FLNB: variants seen among roughly 807,000 people sequenced by gnomAD.
FLNB encodes the protein filamin-B.
Under a neutral mutation model 250.6 loss-of-function variants are expected in FLNB, and 111 were observed. The observed-to-expected ratio is 0.44, with a 90% CI of 0.38 to 0.52. The LOEUF (loss-of-function observed/expected upper bound fraction) is 0.52. Among genes scored for constraint, FLNB ranks in the 20% least tolerant of loss-of-function variants. The pLI is 0.00. For missense variants in FLNB, 2,869 were observed against 3,447.8 expected, an observed-to-expected ratio of 0.83 and a Z score of 4.20; for synonymous variants, 1,302 against 1,372.1, an observed-to-expected ratio of 0.95 and a Z score of 1.13.
At chr3:58,143,924 T>C (rs901614120) in intron 32 of FLNB, among the ~76,000 whole-genome samples, 2 of 152,096 alleles carry the variant, frequency 1.3e-5, no homozygotes, top group African/African-American at 4.8e-5. Flanking sequence ...TGAGGGACTT[T>C]CCAGCCTGGC....
intron 1 of FLNB, among the ~76,000 whole-genome samples, chr3:58,045,428 C>A (rs2097152335): frequency 6.6e-6 from 1 of 152,184 alleles, no homozygotes; most frequent in South Asian, 2.1e-4. Flanking sequence ...CGCCCCAACA[C>A]AAATTCGTAA....
At position 58,139,300 on chromosome 3, in the gene FLNB, G is replaced by T. The variant is rs1404951501; in HGVS notation, c.5109+771G>T. 2.0e-5 allele frequency among the ~76,000 whole-genome samples: 3 copies of T among 152,164 alleles called. 1 individual carries two copies. The highest frequency in any genetic ancestry group is 6.3e-3 in the Middle Eastern group (2 of 316). ...GCTTTTTTACAAATGAAGCATGCTT[G>T]GTCTAGACAGACACCAAATACCATG... On this transcript the variant is annotated intron_variant, in intron 29 of 45. Coordinates refer to ENST00000295956, the MANE Select transcript of FLNB (RefSeq NM_001457.4).
intron 25 of FLNB, chr3:58,132,024 G>A (rs772101039): frequency 4.3e-5 from 65 of 1,525,808 alleles, no homozygotes; most frequent in Non-Finnish European, 5.2e-5. Context: ...AGACAGGTTT[G>A]CATTTTCCCA....
At chr3:58,028,320 T>C (rs1046666703) in intron 1 of FLNB, among the ~76,000 whole-genome samples, 3 of 152,178 alleles carry the variant, frequency 2.0e-5, no homozygotes, top group Admixed American at 6.5e-5. Flanking sequence ...AGGGGTTTAA[T>C]AGGAAAATCA....
At chr3:58,091,777 G>A (rs186484543) in intron 4 of FLNB, among the ~76,000 whole-genome samples, 2 of 152,158 alleles carry the variant, frequency 1.3e-5, no homozygotes, top group Non-Finnish European at 2.9e-5. Flanking sequence ...GCACTCCTGG[G>A]TCACCTACTG....
intron 42 of FLNB, chr3:58,162,819 A>AT (rs1197499442): frequency 6.2e-6 from 2 of 322,032 alleles, no homozygotes; most frequent in Non-Finnish European, 5.9e-6. Flanking sequence ...GTGAAATGAG[A>AT]TTCATCTCGT....
intron 1 of FLNB, among the ~76,000 whole-genome samples, chr3:58,022,618 T>C (rs954392143): frequency 2.6e-5 from 4 of 152,246 alleles, no homozygotes; most frequent in African/African-American, 9.6e-5. Flanking sequence ...CGCTTCTTAC[T>C]AATAGCTATA....
At chr3:58,103,265 G>GGGGT (rs1553696877) in intron 9 of FLNB, among the ~76,000 whole-genome samples, 1 of 148,064 alleles carries the variant, frequency 6.8e-6, no homozygotes, top group Non-Finnish European at 1.5e-5. Context: ...AGCCAAGGAG[G>GGGGT]GTGTGTGTGT....
rs1216541834 is a variant in FLNB at position 58,169,531 on chromosome 3, C to T, written c.7418-59C>T. ...TGTAGGGTACTCGCCTGTCCTCTGG[C>T]TGAGAGACCCCTCTTGATCTGGCCA... is the stretch of plus-strand genomic sequence containing the variant. On this transcript the variant is annotated intron_variant, in intron 44 of 45. Coordinates refer to ENST00000295956, the MANE Select transcript of FLNB (RefSeq NM_001457.4). The surrounding 1 kb of genome is among the most constrained non-coding windows in gnomAD (Gnocchi z 4.8). 87 of 1,417,316 alleles carry T rather than the reference C, an allele frequency of 6.1e-5. No homozygotes were observed. Among genetic ancestry groups the T allele is most frequent in the Non-Finnish European group, 8.5e-5 (85 of 1,000,760 alleles). 87.8% of individuals were successfully genotyped at this position (1,417,316 alleles called of 1,614,324 possible).
At chr3:58,104,221 C>T (rs1428632077) in intron 10 of FLNB, 136 bp downstream of exon 10, 4 of 791,306 alleles carry the variant, frequency 5.1e-6, no homozygotes, top group Non-Finnish European at 7.8e-6. Context: ...TTTTTCGGAG[C>T]AGCACAGACA....
intron 1 of FLNB, among the ~76,000 whole-genome samples, chr3:58,055,150 C>T (rs2097168483): frequency 1.3e-5 from 2 of 151,964 alleles, no homozygotes; most frequent in African/African-American, 4.8e-5. Context: ...GCCTGTAATC[C>T]CAGCTACTTG....
intron 4 of FLNB, among the ~76,000 whole-genome samples, chr3:58,084,209 A>G (rs957993663): frequency 6.6e-6 from 1 of 151,494 alleles, no homozygotes; most frequent in African/African-American, 2.4e-5. Context: ...AAAAAAAAAA[A>G]GTGCTTTCTT....
chr3:58,077,665 G>A (rs1477795546), intron 2 of FLNB, among the ~76,000 whole-genome samples: 1 of 152,148 alleles, frequency 6.6e-6, no homozygotes. Context: ...TAGGTGGCTT[G>A]GCATGAAAAT....
intron 1 of FLNB, among the ~76,000 whole-genome samples, chr3:58,054,095 G>A (rs916344266): frequency 6.6e-5 from 10 of 152,172 alleles, no homozygotes; most frequent in Admixed American, 3.3e-4. Flanking sequence ...GAGTGTGAGA[G>A]TGCCTGGAAT....
chr3:58,060,382 C>G (rs974567768), intron 1 of FLNB, among the ~76,000 whole-genome samples: 35 of 138,810 alleles, frequency 2.5e-4, no homozygotes, highest in Middle Eastern at 4.7e-3. Context: ...GAGATGGAGT[C>G]TCGCTCTGTT....
chr3:58,108,539 G>C lies in FLNB; in HGVS notation c.2023G>C (p.Ala675Pro). ...LAEFTVDPKD[A>P]GKAPLKIFAQ... The stretch of plus-strand genomic sequence containing the variant: ...CGAGTTCACTGTGGATCCTAAGGAT[G>C]CTGGAAAAGCTCCCTTAAAGATATT... The change falls in exon 13 of 46, where the codon GCT becomes CCT. Residue 675 changes from alanine (A) to proline (P), a missense_variant. Physicochemically the swap from Ala to Pro is conservative, Grantham distance 27. Around this residue, in one of 5 missense-constraint regions of FLNB, gnomAD observed 1,348 missense variants for 1,466.7 expected, o/e 0.92. Coordinates refer to ENST00000295956, the MANE Select transcript of FLNB (RefSeq NM_001457.4). The C allele has an allele frequency of 6.2e-7, 1 of 1,613,842 alleles. No individual in the cohort carries two copies. The highest frequency in any genetic ancestry group is 8.5e-7 in the Non-Finnish European group (1 of 1,179,726).
At chr3:58,144,056 G>C (rs960438152) in intron 32 of FLNB, among the ~76,000 whole-genome samples, 2 of 152,142 alleles carry the variant, frequency 1.3e-5, no homozygotes, top group African/African-American at 4.8e-5. Context: ...AGGTTTCATG[G>C]GTCACCAACC....
At chr3:58,028,948 G>A (rs1254343989) in intron 1 of FLNB, among the ~76,000 whole-genome samples, 1 of 151,896 alleles carries the variant, frequency 6.6e-6, no homozygotes, top group Admixed American at 6.6e-5. Flanking sequence ...TGGGTATGGT[G>A]GTATGTGCCT....
chr3:58,024,434 A>G (rs190494833), intron 1 of FLNB, among the ~76,000 whole-genome samples: 1 of 151,914 alleles, frequency 6.6e-6, no homozygotes, highest in Admixed American at 6.6e-5. Context: ...CTCCCCACCA[A>G]CCTCCTTTCT....
Sources: gnomAD v4.1 joint callset for allele counts (sites outside exome capture counted in the v4.1 genomes callset) on GRCh38, gnomAD v4.1.1 for gene constraint, gnomAD v4.1.1 regional missense constraint, Gnocchi (gnomAD v3.1) non-coding constraint, MANE v1.5 for transcripts, NCBI Gene and HGNC (gene_info 2026-07-23, HGNC 2026-07-21) for gene names.